Variants in MMD observed in about 807,000 individuals in gnomAD.
The protein encoded by MMD is monocyte to macrophage differentiation factor.
MMD carries 22 observed loss-of-function variants against 33.6 expected under a neutral mutation model. The ratio of observed to expected loss-of-function variants is 0.66; its 90% CI spans 0.47 to 0.94. The LOEUF is 0.94. Ranked by LOEUF, MMD falls within the 40% of genes least tolerant of loss-of-function variation. The pLI is 0.00. For missense variants in MMD, 242 were observed against 309.8 expected, an observed-to-expected ratio of 0.78 and a Z score of 1.64; for synonymous variants, 97 against 103.2, an observed-to-expected ratio of 0.94 and a Z score of 0.36.
At chr17:55,402,020 C>A (rs1419586751) in intron 5 of MMD, among the ~76,000 whole-genome samples, 1 of 142,100 alleles carries the variant, frequency 7.0e-6, no homozygotes, top group African/African-American at 2.7e-5. Flanking sequence ...GGAGGCGGGG[C>A]TTGCAGTGAG....
intron 6 of MMD, among the ~76,000 whole-genome samples, chr17:55,398,165 A>G (rs183025956): frequency 7.9e-5 from 12 of 151,692 alleles, no homozygotes; most frequent in African/African-American, 2.4e-4. Flanking sequence ...ACCCAAAACA[A>G]AAAACTGCCC....
intron 3 of MMD, among the ~76,000 whole-genome samples, chr17:55,408,023 C>CA (rs746272016): frequency 2.6e-5 from 4 of 152,184 alleles, no homozygotes; most frequent in Non-Finnish European, 4.4e-5. Context: ...TTAGGTTGCA[C>CA]ATACAATAGA....
chr17:55,419,358 A>G (rs560363917), intron 1 of MMD, among the ~76,000 whole-genome samples: 217 of 152,382 alleles, frequency 1.4e-3, no homozygotes, highest in African/African-American at 4.9e-3. Flanking sequence ...GAAACATAAA[A>G]TGAGGAAGAT....
chr17:55,416,922 C>T (rs1907987763), intron 1 of MMD, among the ~76,000 whole-genome samples: 1 of 151,998 alleles, frequency 6.6e-6, no homozygotes, highest in South Asian at 2.1e-4. Flanking sequence ...AGTTTTTTTA[C>T]TCATTCCTTC....
At chr17:55,418,623 G>A (rs1908061305) in intron 1 of MMD, among the ~76,000 whole-genome samples, 1 of 152,146 alleles carries the variant, frequency 6.6e-6, no homozygotes, top group Non-Finnish European at 1.5e-5. Context: ...TCCCCTTTAT[G>A]ACTGAGCATA....
chr17:55,421,192 G>C (rs1161192689), intron 1 of MMD, among the ~76,000 whole-genome samples: 1 of 152,218 alleles, frequency 6.6e-6, no homozygotes, highest in Non-Finnish European at 1.5e-5. Context: ...CCCGCTTTAC[G>C]ACAAATCTCT....
intron 4 of MMD, among the ~76,000 whole-genome samples, chr17:55,404,952 C>A (rs570578137): frequency 6.6e-6 from 1 of 152,022 alleles, no homozygotes; most frequent in African/African-American, 2.4e-5. Flanking sequence ...ATTCCAGCTA[C>A]TAGGGAGGCT....
At chr17:55,407,653 T>G in intron 4 of MMD, 93 bp downstream of exon 4, 2 of 1,152,932 alleles carry the variant, frequency 1.7e-6, no homozygotes, top group Non-Finnish European at 2.5e-6. Context: ...ACATGAGGGC[T>G]GAGGGTGGGG....
intron 3 of MMD, among the ~76,000 whole-genome samples, chr17:55,409,621 T>C (rs1373773819): frequency 1.3e-5 from 2 of 152,220 alleles, no homozygotes. Context: ...TCACTTTTAC[T>C]TAAATAAGGC....
intron 1 of MMD, among the ~76,000 whole-genome samples, chr17:55,416,658 T>G (rs769635256): frequency 6.6e-6 from 1 of 151,992 alleles, no homozygotes; most frequent in Non-Finnish European, 1.5e-5. Flanking sequence ...AAAACCTAAA[T>G]GGAAAAGCAG....
intron 3 of MMD, among the ~76,000 whole-genome samples, chr17:55,410,935 C>T (rs1907734482): frequency 6.6e-6 from 1 of 152,170 alleles, no homozygotes; most frequent in Non-Finnish European, 1.5e-5. Flanking sequence ...ATAGCTGCTG[C>T]TCTCATCATA....
At position 55,392,643 on chromosome 17, in the gene MMD, A is replaced by G. The variant is rs186572438; in HGVS notation, c.*1691T>C. The stretch of plus-strand genomic sequence containing the variant: ...CAAATCCAAGTAACAACTTTATTGT[A>G]GTATACAGCACAATTTTTACATACA... On this transcript the variant is annotated 3_prime_UTR_variant, in exon 7 of 7. Transcript: ENST00000262065. 1.3e-3 allele frequency: 197 copies of G among 152,790 alleles called. No homozygotes were observed. The highest frequency in any genetic ancestry group is 4.6e-3 in the African/African-American group (190 of 41,578). 9.5% of individuals were successfully genotyped at this position (152,790 alleles called of 1,614,324 possible). A position where few individuals can be genotyped will look rare whatever the true frequency, so the allele number is the denominator to read the frequency against.
intron 1 of MMD, among the ~76,000 whole-genome samples, 166 bp from the exon 2 acceptor site, chr17:55,414,398 AATAGCAATGATCCT>A (rs1907883227): frequency 6.6e-6 from 1 of 152,202 alleles, no homozygotes; most frequent in Non-Finnish European, 1.5e-5. Context: ...AAACTGAGCC[AATAGCAATGATCCT>A]TAAGCAAATA....
chr17:55,403,156 T>C (rs1009773190), intron 5 of MMD, among the ~76,000 whole-genome samples: 2 of 152,224 alleles, frequency 1.3e-5, no homozygotes, highest in African/African-American at 4.8e-5. Flanking sequence ...TTTTTAATCA[T>C]GAAGTTGGAA....
chr17:55,413,690 A>G (rs1467395475), intron 2 of MMD, among the ~76,000 whole-genome samples: 1 of 152,188 alleles, frequency 6.6e-6, no homozygotes, highest in Non-Finnish European at 1.5e-5. Flanking sequence ...CTGGGAAGCA[A>G]TGGCCACTGT....
Position 55,411,403 on chromosome 17 carries a change from C to T in MMD, c.123G>A (p.Pro41=), listed in dbSNP as rs2229671. 1,381 of 1,612,632 alleles carry T rather than the reference C, an allele frequency of 8.6e-4. 6 individuals carry two copies. In the African/African-American group the frequency reaches 0.01, roughly 12 times the overall value. The part of the protein sequence containing the change: ...NCYTHAFLIV[P]AIVGSALLHR... Reference sequence around the variant, plus strand: ...GGAGGAGGGCACTGCCCACGATGGCCGGAACAATGAGGAACTGAGGGAAAG... The same window carrying T: ...GGAGGAGGGCACTGCCCACGATGGCTGGAACAATGAGGAACTGAGGGAAAG... Residue 41 remains proline (P), a synonymous_variant, in exon 3 of 7, where the codon CCG becomes CCA. Transcript: ENST00000262065.
At chr17:55,411,931 G>T (rs1012398958) in intron 2 of MMD, among the ~76,000 whole-genome samples, 1 of 152,018 alleles carries the variant, frequency 6.6e-6, no homozygotes, top group African/African-American at 2.4e-5. Flanking sequence ...TAAAAAATTC[G>T]CCAGGCATGG....
intron 5 of MMD, 62 bp from the exon 6 acceptor site, chr17:55,401,600 A>G: frequency 1.5e-6 from 2 of 1,317,424 alleles, no homozygotes; most frequent in Non-Finnish European, 2.1e-6. Flanking sequence ...AACAATTTAC[A>G]TACCAGCCTT....
At position 55,414,164 on chromosome 17, in the gene MMD, CAGTT is replaced by C. The variant is rs745563971; in HGVS notation, c.91_94del (p.Asn31ValfsTer29). The C allele has an allele frequency of 1.9e-6, 3 of 1,613,832 alleles. No individual in the cohort carries two copies. Among genetic ancestry groups the C allele is most frequent in the Admixed American group, 1.7e-5 (1 of 59,996 alleles). On this transcript the variant is annotated frameshift_variant, in exon 2 of 7. Transcript: ENST00000262065. LOFTEE classifies it high-confidence loss of function. ...ACTTGTACTCACTGCGTGTGTGTAA[CAGTT>C]AGCAGCATGTTCATAGCAAGTTGGC...
Sources: gnomAD v4.1 joint callset for allele counts (sites outside exome capture counted in the v4.1 genomes callset) on GRCh38, gnomAD v4.1.1 for gene constraint, MANE v1.5 for transcripts, NCBI Gene and HGNC (gene_info 2026-07-23, HGNC 2026-07-21) for gene names.